SSH2: variants seen among roughly 807,000 people sequenced by gnomAD.
SSH2 encodes protein phosphatase Slingshot homolog 2.
Under a neutral mutation model 135.2 loss-of-function variants are expected in SSH2, and 37 were observed. That is an observed-to-expected ratio of 0.27 (90% CI 0.21 to 0.36). The LOEUF is 0.36. Among genes scored for constraint, SSH2 ranks in the 10% least tolerant of loss-of-function variants. The pLI is 1.00. For synonymous variants in SSH2, 628 were observed against 646.2 expected (o/e 0.97, Z 0.43); for missense variants, 1,408 against 1,765.3 (o/e 0.80, Z 3.63).
chr17:29,631,960 A>G lies in SSH2; in HGVS notation c.3234T>C (p.Thr1078=), dbSNP rs745457969. The G allele has an allele frequency of 7.4e-6, 12 of 1,614,232 alleles. No homozygotes were observed. The Admixed American group carries it at 2.0e-4, about 27-fold the overall frequency. The change falls in exon 16 of 16, where the codon ACT becomes ACC. Residue 1078 remains threonine (T), a synonymous_variant. Coordinates refer to ENST00000540801, the MANE Select transcript of SSH2 (RefSeq NM_001282129.2). ...GATTTTCATCCAGTGTGCAGAGCAC[A>G]GTGACAGATTTTTCCATGTTCACTT... is the stretch of plus-strand genomic sequence containing the variant. ...LRKVNMEKSV[T]VLCTLDENLN...
chr17:29,703,512 G>A lies in SSH2; in HGVS notation c.189-450C>T, dbSNP rs142196686. On this transcript the variant is annotated intron_variant, in intron 3 of 15. Coordinates refer to ENST00000540801, the MANE Select transcript of SSH2 (RefSeq NM_001282129.2). Reference sequence around the variant, plus strand: ...TCCGCCCACCTCGGCCTCCCAAAGTGCTGGGAATACAGACGTGAGCCACTG... The same window carrying A: ...TCCGCCCACCTCGGCCTCCCAAAGTACTGGGAATACAGACGTGAGCCACTG... 2.6e-5 allele frequency among the ~76,000 whole-genome samples: 4 copies of A among 152,260 alleles called. No homozygotes were observed. The East Asian group carries it at 5.8e-4, about 22-fold the overall frequency.
At chr17:29,816,925 G>C (rs907233015) in intron 2 of SSH2, among the ~76,000 whole-genome samples, 1 of 151,882 alleles carries the variant, frequency 6.6e-6, no homozygotes, top group African/African-American at 2.4e-5. Flanking sequence ...AAAATTAATT[G>C]GCAACTTAAT....
chr17:29,781,500 G>C (rs1262211777), intron 3 of SSH2, among the ~76,000 whole-genome samples: 1 of 99,408 alleles, frequency 1.0e-5, no homozygotes, highest in Admixed American at 1.3e-4. Context: ...TTTTTTTTGA[G>C]ATGGAGTCTC....
At chr17:29,701,119 C>T (rs1249469517) in intron 4 of SSH2, among the ~76,000 whole-genome samples, 5 of 152,054 alleles carry the variant, frequency 3.3e-5, no homozygotes, top group African/African-American at 7.2e-5. Context: ...CACAGGCGCC[C>T]GCCACCATGT....
chr17:29,801,067 G>T (rs1336677923), intron 2 of SSH2, among the ~76,000 whole-genome samples: 1 of 151,926 alleles, frequency 6.6e-6, no homozygotes, highest in Non-Finnish European at 1.5e-5. Flanking sequence ...GTTTTGCCAT[G>T]TTGGCCAGGC....
At chr17:29,675,842 A>G (rs575355655) in intron 8 of SSH2, 2 of 151,900 alleles carry the variant, frequency 1.3e-5, no homozygotes, top group East Asian at 3.9e-4. Flanking sequence ...AGAGAGAGAG[A>G]TCTATCCTGT....
chr17:29,773,807 A>T (rs2041637862), intron 3 of SSH2, among the ~76,000 whole-genome samples: 1 of 152,136 alleles, frequency 6.6e-6, no homozygotes, highest in Non-Finnish European at 1.5e-5. Context: ...CCTCCCAAGT[A>T]GCTGGGATTA....
chr17:29,907,051 T>C (rs988244695), intron 1 of SSH2, among the ~76,000 whole-genome samples: 1 of 152,142 alleles, frequency 6.6e-6, no homozygotes, highest in Non-Finnish European at 1.5e-5. Flanking sequence ...GTTATAAAGA[T>C]ACATGCACAC....
chr17:29,679,142 T>C (rs2037857699), intron 6 of SSH2, among the ~76,000 whole-genome samples: 1 of 152,170 alleles, frequency 6.6e-6, no homozygotes, highest in African/African-American at 2.4e-5. Flanking sequence ...AACAGTAACC[T>C]ACCCTAGGCT....
intron 1 of SSH2, among the ~76,000 whole-genome samples, chr17:29,859,687 C>A (rs2065726958): frequency 6.6e-6 from 1 of 152,148 alleles, no homozygotes; most frequent in Non-Finnish European, 1.5e-5. Context: ...TTTATCCAGT[C>A]TATCATCGAT....
At chr17:29,725,735 C>CTGGG (rs2039982390) in intron 3 of SSH2, among the ~76,000 whole-genome samples, 1 of 152,154 alleles carries the variant, frequency 6.6e-6, no homozygotes, top group East Asian at 1.9e-4. Context: ...ACATCACACA[C>CTGGG]TGGGGCCTGT....
intron 3 of SSH2, among the ~76,000 whole-genome samples, chr17:29,785,253 T>C (rs2041933167): frequency 6.6e-6 from 1 of 152,108 alleles, no homozygotes; most frequent in African/African-American, 2.4e-5. Context: ...GTTCTTATCT[T>C]GGGGTTGGCA....
Position 29,896,706 on chromosome 17 carries a change from A to T in SSH2, c.63+33232T>A, listed in dbSNP as rs551410930. ...ATCCTATCCTTTAAATTTTCTATGT[A>T]TCATATGTAAAATGCAGCCTACACA... On this transcript the variant is annotated intron_variant, in intron 1 of 15. Transcript: ENST00000540801. Among the ~76,000 whole-genome samples, 16 of 151,730 alleles carry T rather than the reference A, an allele frequency of 1.1e-4. 1 individual carries two copies. The South Asian group carries it at 3.3e-3, about 31-fold the overall frequency.
rs747102601 is a variant in SSH2, at chr17:29,631,593, C to A, written c.3601G>T (p.Val1201Leu). 1 of 1,614,058 alleles carries A rather than the reference C, an allele frequency of 6.2e-7. No homozygotes were observed. Among genetic ancestry groups the A allele is most frequent in the Admixed American group, 1.7e-5 (1 of 60,008 alleles). Reference protein sequence around the residue: ...QESPLSSGSEVPYKDSQLSSA... With the variant: ...QESPLSSGSELPYKDSQLSSA... ...CTTAGCTGGGAGTCCTTATATGGCA[C>A]CTCACTGCCACTGGAGAGAGGGCTC... Residue 1201 changes from valine (V) to leucine (L), a missense_variant, in exon 16 of 16, where the codon GTG becomes TTG. By Grantham distance (32) the Val-to-Leu change is conservative. Around this residue, in one of 3 missense-constraint regions of SSH2, gnomAD observed 1,080 missense variants for 1,144.5 expected, o/e 0.94. Coordinates refer to ENST00000540801, the MANE Select transcript of SSH2 (RefSeq NM_001282129.2).
At chr17:29,798,366 C>T (rs2042194027) in intron 2 of SSH2, among the ~76,000 whole-genome samples, 1 of 151,816 alleles carries the variant, frequency 6.6e-6, no homozygotes, top group South Asian at 2.1e-4. Flanking sequence ...ACCATATTGG[C>T]CAGGGTGGTC....
chr17:29,635,566 C>T (rs1297992996), intron 15 of SSH2, among the ~76,000 whole-genome samples: 5 of 151,616 alleles, frequency 3.3e-5, no homozygotes, highest in African/African-American at 4.9e-5. Context: ...CGCCACCACA[C>T]CTGGCTAATT....
intron 1 of SSH2, among the ~76,000 whole-genome samples, chr17:29,898,448 A>G (rs2066485313): frequency 6.6e-6 from 1 of 152,192 alleles, no homozygotes; most frequent in Non-Finnish European, 1.5e-5. Context: ...TAAAGGGGAT[A>G]TCACCACCGA....
At chr17:29,838,150 A>G (rs2042976265) in intron 2 of SSH2, among the ~76,000 whole-genome samples, 2 of 152,216 alleles carry the variant, frequency 1.3e-5, no homozygotes, top group African/African-American at 4.8e-5. Context: ...CACTCTGATC[A>G]TGGAGCAAAG....
intron 3 of SSH2, among the ~76,000 whole-genome samples, chr17:29,723,467 T>A (rs571824670): frequency 6.6e-6 from 1 of 152,314 alleles, no homozygotes; most frequent in East Asian, 1.9e-4. Context: ...GCTTAATGAA[T>A]GTGATCTGAA....
Sources: allele counts gnomAD v4.1 joint callset (sites outside exome capture counted in the v4.1 genomes callset), GRCh38; gene constraint gnomAD v4.1.1; regional missense constraint gnomAD v4.1.1; transcripts MANE v1.5; gene names NCBI Gene and HGNC (gene_info 2026-07-23, HGNC 2026-07-21).